Variants in PRKG1 observed in about 807,000 individuals in gnomAD.
The protein encoded by PRKG1 is protein kinase cGMP-dependent 1, also known as cGMP-dependent protein kinase 1.
PRKG1 carries 35 observed loss-of-function variants against 88.1 expected under a neutral mutation model. That is an observed-to-expected ratio of 0.40 (90% CI 0.30 to 0.53). The LOEUF (loss-of-function observed/expected upper bound fraction) is 0.53. Ranked by LOEUF, PRKG1 falls within the 20% of genes least tolerant of loss-of-function variation. PRKG1 has a pLI of 0.59. For missense variants in PRKG1, 540 were observed against 839.8 expected, an observed-to-expected ratio of 0.64 and a Z score of 4.41; for synonymous variants, 303 against 292.5, an observed-to-expected ratio of 1.04 and a Z score of -0.37.
At chr10:52,109,710 A>C (rs34178098) in intron 7 of PRKG1, among the ~76,000 whole-genome samples, 26,968 of 150,960 alleles carry the variant, frequency 0.18, 2,746 homozygotes, top group South Asian at 0.31. Flanking sequence ...CGGCAGTGAG[A>C]CGACATCACG....
At chr10:51,244,515 G>A (rs182865507) in intron 2 of PRKG1, among the ~76,000 whole-genome samples, 145 of 152,034 alleles carry the variant, frequency 9.5e-4, no homozygotes, top group African/African-American at 3.3e-3. Flanking sequence ...TCCCCCTGCT[G>A]TGGAGTCTCT....
intron 5 of PRKG1, among the ~76,000 whole-genome samples, chr10:51,960,122 C>CTT (rs3029953): frequency 0.11 from 15,266 of 144,606 alleles, 1,124 homozygotes; most frequent in East Asian, 0.29. Flanking sequence ...CTTTGGTTTC[C>CTT]TTTTTTTTTT....
intron 3 of PRKG1, among the ~76,000 whole-genome samples, chr10:51,695,167 A>G (rs1652670675): frequency 6.6e-6 from 1 of 152,206 alleles, no homozygotes; most frequent in Admixed American, 6.5e-5. Context: ...GCACTGCAAT[A>G]TAACTAATGT....
intron 2 of PRKG1, among the ~76,000 whole-genome samples, chr10:51,271,989 C>T (rs986824933): frequency 5.3e-5 from 8 of 152,148 alleles, no homozygotes; most frequent in Non-Finnish European, 1.2e-4. Context: ...TGAAGAATGG[C>T]CACACTGTCC....
chr10:52,098,129 T>A (rs1425019548), intron 7 of PRKG1, among the ~76,000 whole-genome samples: 1 of 152,202 alleles, frequency 6.6e-6, no homozygotes, highest in East Asian at 1.9e-4. Flanking sequence ...ATTCAGCATG[T>A]ACTGAAAATA....
intron 2 of PRKG1, among the ~76,000 whole-genome samples, chr10:51,220,380 A>T (rs879838977): frequency 6.6e-6 from 1 of 152,240 alleles, no homozygotes; most frequent in Non-Finnish European, 1.5e-5. Context: ...CTAGGTTTCC[A>T]TGAATTTGTT....
rs149551906 is a variant in PRKG1, at chr10:52,078,808, C to G, written c.935+16177C>G. 1.9e-4 allele frequency among the ~76,000 whole-genome samples: 29 copies of G among 152,248 alleles called. 1 individual carries two copies. In the East Asian group the frequency reaches 5.2e-3, roughly 27 times the overall value. On this transcript the variant is annotated intron_variant, in intron 7 of 17. Coordinates refer to ENST00000373980, the MANE Select transcript of PRKG1 (RefSeq NM_006258.4). ...AATATCCTGAAAAGTGCTGCTTAACCAAATAATTTTATTTAAAGTAGCAAG... is the reference window on the plus strand; with the variant it reads ...AATATCCTGAAAAGTGCTGCTTAACGAAATAATTTTATTTAAAGTAGCAAG...
intron 9 of PRKG1, among the ~76,000 whole-genome samples, chr10:52,171,789 T>TTA (rs1838691571): frequency 5.7e-5 from 2 of 34,956 alleles, no homozygotes; most frequent in East Asian, 8.1e-4. Context: ...TATCAAAATT[T>TTA]TTTTTTTTTT....
chr10:51,468,891 C>G (rs1839976085), intron 3 of PRKG1, among the ~76,000 whole-genome samples: 1 of 151,698 alleles, frequency 6.6e-6, no homozygotes, highest in South Asian at 2.1e-4. Context: ...AACTGGAGTC[C>G]CAGAAATTGT....
chr10:51,999,817 G>A (rs868293521), intron 5 of PRKG1, among the ~76,000 whole-genome samples: 1 of 151,906 alleles, frequency 6.6e-6, no homozygotes, highest in African/African-American at 2.4e-5. Flanking sequence ...CATTTTAAGG[G>A]ATCATGAGAT....
chr10:51,553,973 G>A (rs964785320), intron 3 of PRKG1, among the ~76,000 whole-genome samples: 16 of 134,588 alleles, frequency 1.2e-4, no homozygotes, highest in African/African-American at 3.7e-4. Flanking sequence ...TATTAGATAC[G>A]TGCATATTAT....
chr10:51,761,295 T>A (rs1838016170), intron 3 of PRKG1, among the ~76,000 whole-genome samples: 1 of 152,262 alleles, frequency 6.6e-6, no homozygotes, highest in Non-Finnish European at 1.5e-5. Flanking sequence ...TAGCTTTCAA[T>A]CAGCTTTGCT....
At chr10:51,634,418 C>T (rs550050028) in intron 3 of PRKG1, among the ~76,000 whole-genome samples, 2 of 152,192 alleles carry the variant, frequency 1.3e-5, no homozygotes, top group South Asian at 4.1e-4. Flanking sequence ...ACATCTAAAA[C>T]TTGATTATAT....
chr10:51,642,692 G>A (rs191144650), intron 3 of PRKG1, among the ~76,000 whole-genome samples: 247 of 152,244 alleles, frequency 1.6e-3, no homozygotes, highest in Middle Eastern at 0.01. Context: ...TTCTTAGAGA[G>A]CAAGGAAGGG....
chr10:51,324,660 G>A (rs1841541305), intron 2 of PRKG1, among the ~76,000 whole-genome samples: 1 of 152,038 alleles, frequency 6.6e-6, no homozygotes, highest in Admixed American at 6.6e-5. Context: ...ACAATGGCGT[G>A]AACCTGGGAG....
intron 9 of PRKG1, among the ~76,000 whole-genome samples, chr10:52,221,302 A>G (rs1395706802): frequency 6.6e-6 from 1 of 152,154 alleles, no homozygotes; most frequent in African/African-American, 2.4e-5. Flanking sequence ...TTAAGGCAAT[A>G]TATCTTGAGA....
chr10:52,154,924 A>G (rs1482087730), intron 8 of PRKG1, among the ~76,000 whole-genome samples: 2 of 152,196 alleles, frequency 1.3e-5, no homozygotes, highest in Non-Finnish European at 2.9e-5. Flanking sequence ...TACCTCACTT[A>G]GAATAATGGT....
intron 3 of PRKG1, among the ~76,000 whole-genome samples, chr10:51,700,050 G>C (rs1564613015): frequency 6.6e-6 from 1 of 152,264 alleles, no homozygotes; most frequent in African/African-American, 2.4e-5. Context: ...AGTTAAGCTA[G>C]ATTTAAAATC....
In PRKG1 at chr10:51,929,660, A is replaced by C. The variant is rs192439641; in HGVS notation, c.762+22090A>C. ...GCCACTGCACCTGGCCTGAATTCTG[A>C]TATAAATGTAAAACACAGAAAGTTA... On this transcript the variant is annotated intron_variant, in intron 5 of 17. Transcript: ENST00000373980. Among the ~76,000 whole-genome samples, 566 of 152,172 alleles carry C rather than the reference A, an allele frequency of 3.7e-3. 2 individuals are homozygous for C. Among genetic ancestry groups the C allele is most frequent in the African/African-American group, 0.013 (541 of 41,528 alleles).
Sources: gnomAD v4.1 joint callset for allele counts (sites outside exome capture counted in the v4.1 genomes callset) on GRCh38, gnomAD v4.1.1 for gene constraint, MANE v1.5 for transcripts, NCBI Gene and HGNC (gene_info 2026-07-23, HGNC 2026-07-21) for gene names.